Variants in CACNA2D3 observed in about 807,000 individuals in gnomAD.
CACNA2D3 encodes the protein calcium voltage-gated channel auxiliary subunit alpha2delta 3, also known as voltage-dependent calcium channel subunit alpha-2/delta-3.
In CACNA2D3, 60 loss-of-function variants were observed where a neutral mutation model predicts 160.6. The ratio of observed to expected loss-of-function variants is 0.37; its 90% CI spans 0.30 to 0.46. The LOEUF is 0.46. CACNA2D3 is among the 20% of genes least tolerant of loss of function. The probability of loss-of-function intolerance (pLI) is 1.00; values close to 1 mark genes in which losing one functional copy is unlikely to be tolerated. For synonymous variants in CACNA2D3, 558 were observed against 492.9 expected, an observed-to-expected ratio of 1.13 and a Z score of -1.75; for missense variants, 1,205 against 1,365.0, an observed-to-expected ratio of 0.88 and a Z score of 1.85.
intron 4 of CACNA2D3, among the ~76,000 whole-genome samples, chr3:54,430,952 TAAAC>T: frequency 1.3e-5 from 2 of 152,286 alleles, no homozygotes; most frequent in South Asian, 4.1e-4. Flanking sequence ...CCAATAAACA[TAAAC>T]AGTCGATTAA....
At chr3:54,721,062 A>T (rs1383898527) in intron 11 of CACNA2D3, among the ~76,000 whole-genome samples, 2 of 146,516 alleles carry the variant, frequency 1.4e-5, no homozygotes, top group African/African-American at 4.9e-5. Context: ...CTTGTTAGTA[A>T]ACATTATTTT....
intron 13 of CACNA2D3, among the ~76,000 whole-genome samples, chr3:54,782,387 T>C (rs988433176): frequency 1.3e-5 from 2 of 152,204 alleles, no homozygotes; most frequent in Non-Finnish European, 2.9e-5. Context: ...CATAATATTG[T>C]TTAGCACTAT....
chr3:54,737,005 C>G (rs560431851), intron 11 of CACNA2D3, among the ~76,000 whole-genome samples: 34 of 152,272 alleles, frequency 2.2e-4, no homozygotes, highest in African/African-American at 7.2e-4. Context: ...CATTTAATCC[C>G]TCTATTTCTT....
At chr3:54,588,047 A>G (rs1408260938) in intron 9 of CACNA2D3, among the ~76,000 whole-genome samples, 2 of 152,234 alleles carry the variant, frequency 1.3e-5, no homozygotes, top group Admixed American at 6.5e-5. Context: ...ATGAACTTAC[A>G]TGCAAGAATC....
chr3:54,214,281 A>G (rs1335897148), intron 2 of CACNA2D3, among the ~76,000 whole-genome samples: 1 of 152,222 alleles, frequency 6.6e-6, no homozygotes, highest in Non-Finnish European at 1.5e-5. Context: ...ACCATGCCTC[A>G]ATATCCAGTA....
chr3:54,420,821 T>C (rs184081024), intron 4 of CACNA2D3, among the ~76,000 whole-genome samples: 15 of 152,352 alleles, frequency 9.8e-5, no homozygotes, highest in Non-Finnish European at 2.1e-4. Context: ...TGTTTGTTTT[T>C]TCTGTGACCA....
chr3:54,391,516 C>CTTTTT (rs758458509), intron 4 of CACNA2D3, among the ~76,000 whole-genome samples: 21 of 142,066 alleles, frequency 1.5e-4, no homozygotes, highest in African/African-American at 3.7e-4. Flanking sequence ...TTCTTTCTTT[C>CTTTTT]TTTTTTTTTT....
At chr3:54,742,493 T>C (rs1405359512) in intron 11 of CACNA2D3, among the ~76,000 whole-genome samples, 1 of 152,132 alleles carries the variant, frequency 6.6e-6, no homozygotes, top group Non-Finnish European at 1.5e-5. Flanking sequence ...GAGGGAAGAC[T>C]CAGATTCTCA....
In CACNA2D3 at chr3:54,346,126, G is replaced by C. The variant is rs75336318; in HGVS notation, c.321+25568G>C. 7.9e-3 allele frequency among the ~76,000 whole-genome samples: 1,205 copies of C among 152,230 alleles called. 20 individuals carry two copies. The highest frequency in any genetic ancestry group is 0.076 in the South Asian group (363 of 4,802). On this transcript the variant is annotated intron_variant, in intron 3 of 37. Transcript: ENST00000474759. ...TGTTTGATGACCCTGCCTTGAAGTT[G>C]GGGTGTTGTTAGTTCAGGCCTGATT...
chr3:54,157,881 A>C (rs1001014410), intron 2 of CACNA2D3, among the ~76,000 whole-genome samples: 2 of 152,130 alleles, frequency 1.3e-5, no homozygotes, highest in Non-Finnish European at 2.9e-5. Context: ...TATCTGTGCA[A>C]AGATTCTTAG....
At chr3:54,688,503 T>C (rs1700510458) in intron 11 of CACNA2D3, among the ~76,000 whole-genome samples, 1 of 151,768 alleles carries the variant, frequency 6.6e-6, no homozygotes, top group Admixed American at 6.6e-5. Flanking sequence ...GATTATTGAG[T>C]GAGGTTTCTA....
At chr3:54,532,820 A>G (rs765850222) in intron 5 of CACNA2D3, among the ~76,000 whole-genome samples, 1 of 152,138 alleles carries the variant, frequency 6.6e-6, no homozygotes, top group Non-Finnish European at 1.5e-5. Context: ...TGTACCCAGC[A>G]GTGGGATTGC....
intron 16 of CACNA2D3, among the ~76,000 whole-genome samples, chr3:54,840,744 C>T (rs141066447): frequency 0.011 from 1,160 of 101,474 alleles, 21 homozygotes; most frequent in African/African-American, 0.045. Flanking sequence ...TTTTTTGAGA[C>T]GGAGTCTCGC....
At chr3:54,159,448 GA>G (rs1268561611) in intron 2 of CACNA2D3, among the ~76,000 whole-genome samples, 4 of 151,936 alleles carry the variant, frequency 2.6e-5, no homozygotes, top group African/African-American at 9.7e-5. Flanking sequence ...GCAGTTTAAG[GA>G]AAAAAATTCT....
intron 11 of CACNA2D3, among the ~76,000 whole-genome samples, chr3:54,742,148 G>A (rs1274462564): frequency 6.6e-6 from 1 of 152,190 alleles, no homozygotes; most frequent in Non-Finnish European, 1.5e-5. Flanking sequence ...GCTGGGTGCG[G>A]TGGCTCATGC....
chr3:54,733,205 A>G (rs1039997931), intron 11 of CACNA2D3, among the ~76,000 whole-genome samples: 11 of 152,344 alleles, frequency 7.2e-5, no homozygotes, highest in African/African-American at 2.6e-4. Flanking sequence ...GGATTTAGTA[A>G]TCTTAATGTA....
At chr3:54,192,993 A>G (rs938022817) in intron 2 of CACNA2D3, among the ~76,000 whole-genome samples, 14 of 152,222 alleles carry the variant, frequency 9.2e-5, no homozygotes, top group Admixed American at 7.8e-4. Context: ...CTTTTCCCCC[A>G]TACCTGGGAT....
chr3:54,207,129 T>C (rs1701289298), intron 2 of CACNA2D3, among the ~76,000 whole-genome samples: 1 of 152,078 alleles, frequency 6.6e-6, no homozygotes, highest in African/African-American at 2.4e-5. Context: ...CAGAGGAGGC[T>C]GGGAAATGTA....
Position 54,854,629 on chromosome 3 carries a change from C to T in CACNA2D3, c.1626+8162C>T, listed in dbSNP as rs555595027. On this transcript the variant is annotated intron_variant, in intron 17 of 37. Transcript: ENST00000474759. Reference sequence around the variant, plus strand: ...ACAACACTGCCCTCACCACGGGTCTCGGGCCAGGCCTTGTGCTGAGAGCCC... The same window carrying T: ...ACAACACTGCCCTCACCACGGGTCTTGGGCCAGGCCTTGTGCTGAGAGCCC... Among the ~76,000 whole-genome samples the T allele has an allele frequency of 1.4e-4, 22 of 152,274 alleles. No individual in the cohort carries two copies. The East Asian group carries it at 2.1e-3, about 15-fold the overall frequency.
Sources: allele counts gnomAD v4.1 joint callset (sites outside exome capture counted in the v4.1 genomes callset), GRCh38; gene constraint gnomAD v4.1.1; transcripts MANE v1.5; gene names NCBI Gene and HGNC (gene_info 2026-07-23, HGNC 2026-07-21).